The following FGF14 variants were observed in gnomAD, a reference collection of about 807,000 sequenced individuals.
FGF14 encodes the protein fibroblast growth factor 14, also known as fibroblast growth factor homologous factor 4.
Under a neutral mutation model 25.5 loss-of-function variants are expected in FGF14, and 5 were observed. That is an observed-to-expected ratio of 0.20 (90% CI 0.10 to 0.41). The LOEUF is 0.41. Ranked by LOEUF, FGF14 falls within the 10% of genes least tolerant of loss-of-function variation. The probability of loss-of-function intolerance (pLI) is 1.00; values close to 1 mark genes in which losing one functional copy is unlikely to be tolerated. For missense variants in FGF14, 222 were observed against 320.1 expected (o/e 0.69, Z 2.34); for synonymous variants, 138 against 118.3 (o/e 1.17, Z -1.08).
intron 1 of FGF14, among the ~76,000 whole-genome samples, chr13:102,072,877 C>A (rs1053189477): frequency 2.0e-5 from 3 of 152,076 alleles, no homozygotes; most frequent in African/African-American, 4.8e-5. Flanking sequence ...GTAAATTGGG[C>A]GAAGAATGGC....
intron 1 of FGF14, among the ~76,000 whole-genome samples, chr13:102,094,115 C>G (rs2044288435): frequency 6.6e-6 from 1 of 150,598 alleles, no homozygotes; most frequent in Non-Finnish European, 1.5e-5. Context: ...ACTGCTGCAG[C>G]TATGCCAGCA....
At chr13:102,002,906 A>G (rs901015742) in intron 1 of FGF14, 3 of 152,212 alleles carry the variant, frequency 2.0e-5, no homozygotes, top group Admixed American at 2.0e-4. Context: ...TATCAAGTTG[A>G]CTTTCCTTAC....
chr13:102,212,279 T>C (rs1419190188), intron 1 of FGF14, among the ~76,000 whole-genome samples: 3 of 152,214 alleles, frequency 2.0e-5, no homozygotes, highest in African/African-American at 7.2e-5. Flanking sequence ...TCAACCTGTT[T>C]CCCAGGCTAT....
chr13:102,285,172 A>G (rs1369878094), intron 1 of FGF14, among the ~76,000 whole-genome samples: 1 of 152,188 alleles, frequency 6.6e-6, no homozygotes, highest in Non-Finnish European at 1.5e-5. Context: ...GATAATACTC[A>G]TGAGTCCATA....
chr13:102,256,017 A>T (rs1202189527), intron 1 of FGF14, among the ~76,000 whole-genome samples: 1 of 152,052 alleles, frequency 6.6e-6, no homozygotes, highest in East Asian at 1.9e-4. Context: ...AACAAAAAAA[A>T]CTCATTGATT....
intron 1 of FGF14, among the ~76,000 whole-genome samples, chr13:102,029,387 G>C (rs988959257): frequency 1.3e-5 from 2 of 151,860 alleles, no homozygotes; most frequent in African/African-American, 4.8e-5. Context: ...TATATCTACT[G>C]ATCAGTTACA....
intron 1 of FGF14, among the ~76,000 whole-genome samples, chr13:102,193,702 A>AT (rs2049220131): frequency 6.6e-6 from 1 of 152,222 alleles, no homozygotes; most frequent in African/African-American, 2.4e-5. Context: ...ATGAGAAACT[A>AT]TAGAGTTCTT....
At chr13:101,814,359 T>A (rs1338554099) in intron 3 of FGF14, among the ~76,000 whole-genome samples, 1 of 152,170 alleles carries the variant, frequency 6.6e-6, no homozygotes, top group Non-Finnish European at 1.5e-5. Flanking sequence ...CTGAAAAACA[T>A]GTGAAATAAA....
chr13:102,378,378 T>C (rs2058090189), intron 1 of FGF14, among the ~76,000 whole-genome samples: 4 of 152,294 alleles, frequency 2.6e-5, no homozygotes, highest in Middle Eastern at 3.4e-3. Flanking sequence ...ATAAAGTCTT[T>C]AAAAATTAAA....
intron 1 of FGF14, among the ~76,000 whole-genome samples, chr13:102,281,121 A>ATTTT: frequency 6.6e-6 from 1 of 152,238 alleles, no homozygotes; most frequent in East Asian, 1.9e-4. Flanking sequence ...AAGGCCAAAC[A>ATTTT]TAAAATAATT....
chr13:102,067,118 T>A lies in FGF14; in HGVS notation c.209-191822A>T, dbSNP rs1023328737. ...AGTCACATTTTCCCCCACATCCTCA[T>A]GAACAGTAGTTCGCACAAAACAAGC... On this transcript the variant is annotated intron_variant, in intron 1 of 4. Transcript: ENST00000376131. 2.0e-5 allele frequency among the ~76,000 whole-genome samples: 3 copies of A among 152,210 alleles called. No individual in the cohort carries two copies. In the South Asian group the frequency reaches 6.2e-4, roughly 32 times the overall value.
chr13:101,908,997 T>C (rs1049131780), intron 1 of FGF14, among the ~76,000 whole-genome samples: 54 of 152,300 alleles, frequency 3.5e-4, no homozygotes, highest in African/African-American at 1.0e-3. Context: ...GGGAAAGGAT[T>C]CCCTGTTTAA....
At chr13:102,247,028 GT>G (rs2051910820) in intron 1 of FGF14, among the ~76,000 whole-genome samples, 1 of 152,068 alleles carries the variant, frequency 6.6e-6, no homozygotes, top group Admixed American at 6.6e-5. Flanking sequence ...GGGAAAACTT[GT>G]TAGCCATATG....
At chr13:101,788,907 TATAGAGAGAGAG>T (rs1435948346) in intron 3 of FGF14, among the ~76,000 whole-genome samples, 124 of 32,354 alleles carry the variant, frequency 3.8e-3, no homozygotes, top group African/African-American at 9.0e-3. Flanking sequence ...TATATATATA[TATAGAGAGAGAG>T]AGAGAGAGAG....
chr13:102,293,204 A>T (rs920698406), intron 1 of FGF14: 1 of 152,252 alleles, frequency 6.6e-6, no homozygotes, highest in Non-Finnish European at 1.5e-5. Flanking sequence ...CAAAATTGCC[A>T]TGAAGGCTCT....
chr13:102,065,364 C>T (rs999892106), intron 1 of FGF14, among the ~76,000 whole-genome samples: 1 of 152,054 alleles, frequency 6.6e-6, no homozygotes, highest in East Asian at 1.9e-4. Flanking sequence ...TCTTCCAATT[C>T]CAATAACTTA....
Position 101,972,157 on chromosome 13 carries a change from G to A in FGF14, c.209-96861C>T, listed in dbSNP as rs80308502. On this transcript the variant is annotated intron_variant, in intron 1 of 4. Transcript: ENST00000376131. ...ATGGCAGAGGAATGAAAGATTACAT[G>A]CTTTAAATAAATGTGGTCCTGCTTT... 5.1e-3 allele frequency among the ~76,000 whole-genome samples: 779 copies of A among 152,330 alleles called. 11 individuals carry two copies. The highest frequency in any genetic ancestry group is 0.018 in the African/African-American group (744 of 41,580).
At chr13:102,351,668 C>A (rs1412333358) in intron 1 of FGF14, among the ~76,000 whole-genome samples, 1 of 152,198 alleles carries the variant, frequency 6.6e-6, no homozygotes, top group Non-Finnish European at 1.5e-5. Flanking sequence ...TCTAAGCTGG[C>A]GTCTTCACAT....
chr13:101,852,317 T>C (rs868454238), intron 3 of FGF14, among the ~76,000 whole-genome samples: 2 of 152,070 alleles, frequency 1.3e-5, no homozygotes, highest in African/African-American at 4.8e-5. Flanking sequence ...TTAATACATA[T>C]CATAATTCCT....
Sources: allele counts gnomAD v4.1 joint callset (sites outside exome capture counted in the v4.1 genomes callset), GRCh38; gene constraint gnomAD v4.1.1; transcripts MANE v1.5; gene names NCBI Gene and HGNC (gene_info 2026-07-23, HGNC 2026-07-21).